FHIT: variants seen among roughly 807,000 people sequenced by gnomAD.
FHIT encodes fragile histidine triad diadenosine triphosphatase.
In FHIT, 19 loss-of-function variants were observed where a neutral mutation model predicts 17.9. The observed-to-expected ratio is 1.06, with a 90% confidence interval of 0.74 to 1.56. FHIT has a LOEUF of 1.56. Ranked by LOEUF, FHIT falls within the 40% of genes most tolerant of loss-of-function variation. The pLI, the probability that FHIT is intolerant of heterozygous loss-of-function variation, is 0.00. For missense variants in FHIT, 248 were observed against 189.2 expected, an observed-to-expected ratio of 1.31 and a Z score of -1.82; for synonymous variants, 81 against 69.7, an observed-to-expected ratio of 1.16 and a Z score of -0.81.
At chr3:60,584,290 G>T (rs762844760) in intron 4 of FHIT, among the ~76,000 whole-genome samples, 1 of 151,952 alleles carries the variant, frequency 6.6e-6, no homozygotes, top group Non-Finnish European at 1.5e-5. Context: ...TACAAATTAG[G>T]CTTTTTTTCC....
At chr3:60,887,267 G>C (rs1277998437) in intron 3 of FHIT, among the ~76,000 whole-genome samples, 1 of 152,114 alleles carries the variant, frequency 6.6e-6, no homozygotes, top group Non-Finnish European at 1.5e-5. Context: ...GTTCAGTTCT[G>C]TTAGGACTTT....
intron 4 of FHIT, among the ~76,000 whole-genome samples, chr3:60,784,826 C>T (rs1559719932): frequency 6.6e-6 from 1 of 152,140 alleles, no homozygotes; most frequent in African/African-American, 2.4e-5. Flanking sequence ...GGGATTAGTG[C>T]CCTTATAAGG....
At chr3:61,222,399 A>C (rs1190254555) in intron 1 of FHIT, among the ~76,000 whole-genome samples, 1 of 152,172 alleles carries the variant, frequency 6.6e-6, no homozygotes, top group Non-Finnish European at 1.5e-5. Flanking sequence ...TATTCAACAA[A>C]ATATTGGTAG....
chr3:60,003,367 A>G (rs1312079927), intron 7 of FHIT, among the ~76,000 whole-genome samples: 1 of 152,144 alleles, frequency 6.6e-6, no homozygotes, highest in African/African-American at 2.4e-5. Context: ...ACTAGTCAAA[A>G]GTTTGTAGCA....
chr3:59,805,305 A>C (rs1179586053), intron 8 of FHIT, among the ~76,000 whole-genome samples: 1 of 152,200 alleles, frequency 6.6e-6, no homozygotes, highest in Admixed American at 6.5e-5. Flanking sequence ...TCTGCATTTT[A>C]AAGATAAAAG....
intron 3 of FHIT, among the ~76,000 whole-genome samples, chr3:60,860,034 C>T (rs1441282737): frequency 1.3e-5 from 1 of 78,330 alleles, no homozygotes; most frequent in Non-Finnish European, 2.6e-5. Context: ...AGAAGTGGGA[C>T]TACATCTCAA....
chr3:60,529,835 T>C (rs1408807125), intron 5 of FHIT, among the ~76,000 whole-genome samples: 2 of 152,202 alleles, frequency 1.3e-5, no homozygotes, highest in South Asian at 4.1e-4. Context: ...ATAATTATCA[T>C]TCTACCATTC....
rs1482371373 is a variant in FHIT at position 60,560,722 on chromosome 3, TC to T, written c.-17-23744del. ...CAGAAAGAGGACAGAATAGAGCCGG[TC>T]CTTTACTTTTAGGTGAGTTTTCCTC... On this transcript the variant is annotated intron_variant, in intron 4 of 9. Coordinates refer to ENST00000492590, the MANE Select transcript of FHIT (RefSeq NM_002012.4). Among the ~76,000 whole-genome samples the T allele has an allele frequency of 7.3e-5, 11 of 151,642 alleles. No homozygotes were observed. In the East Asian group the frequency reaches 2.0e-3, roughly 27 times the overall value.
intron 3 of FHIT, among the ~76,000 whole-genome samples, chr3:60,831,043 G>A (rs1025522447): frequency 1.3e-5 from 2 of 152,206 alleles, no homozygotes; most frequent in African/African-American, 4.8e-5. Context: ...AATTATTTCT[G>A]TATTTTCCTA....
chr3:60,318,984 G>T (rs1269738677), intron 5 of FHIT, among the ~76,000 whole-genome samples: 2 of 152,070 alleles, frequency 1.3e-5, no homozygotes, highest in Non-Finnish European at 2.9e-5. Context: ...TTCCGCCTCT[G>T]TTGTCACATG....
chr3:59,943,833 A>T (rs1706659361), intron 7 of FHIT, among the ~76,000 whole-genome samples: 1 of 152,190 alleles, frequency 6.6e-6, no homozygotes, highest in Non-Finnish European at 1.5e-5. Flanking sequence ...CAGCCCTGGA[A>T]CTAGACTCCT....
intron 4 of FHIT, among the ~76,000 whole-genome samples, chr3:60,576,857 A>G (rs1553657775): frequency 6.6e-6 from 1 of 151,864 alleles, no homozygotes; most frequent in Non-Finnish European, 1.5e-5. Flanking sequence ...ATTAATATAC[A>G]TTTTACTAGG....
At chr3:60,823,897 C>T (rs1702024668) in intron 3 of FHIT, among the ~76,000 whole-genome samples, 1 of 152,212 alleles carries the variant, frequency 6.6e-6, no homozygotes, top group East Asian at 1.9e-4. Context: ...GCAGAGGGAA[C>T]AGAAAGTACA....
intron 5 of FHIT, among the ~76,000 whole-genome samples, chr3:60,380,896 T>TAATA (rs1700772078): frequency 6.6e-6 from 1 of 152,156 alleles, no homozygotes. Context: ...TAAATCCCAG[T>TAATA]AATAGTACAT....
At chr3:60,613,628 T>C (rs17624475) in intron 4 of FHIT, among the ~76,000 whole-genome samples, 41,357 of 151,978 alleles carry the variant, frequency 0.27, 5,945 homozygotes, top group Non-Finnish European at 0.31. Context: ...TTCCTTCATC[T>C]TTCTCTCCCT....
At chr3:60,421,424 A>C (rs61367627) in intron 5 of FHIT, among the ~76,000 whole-genome samples, 115 of 152,244 alleles carry the variant, frequency 7.6e-4, no homozygotes, top group African/African-American at 2.7e-3. Context: ...CCAATAGCAC[A>C]GATGTTTTCA....
intron 3 of FHIT, among the ~76,000 whole-genome samples, chr3:60,859,724 T>A (rs1245183717): frequency 1.7e-4 from 1 of 6,044 alleles, no homozygotes; most frequent in Non-Finnish European, 4.1e-4. Context: ...CTGAATACGA[T>A]TTTTTTTTTT....
intron 5 of FHIT, among the ~76,000 whole-genome samples, chr3:60,092,412 C>T (rs373038221): frequency 2.7e-4 from 41 of 152,060 alleles, no homozygotes; most frequent in South Asian, 2.1e-4. Flanking sequence ...GGTAGAAGTA[C>T]GAAGCAACAT....
At chr3:60,733,404 G>T (rs2107992974) in intron 4 of FHIT, among the ~76,000 whole-genome samples, 1 of 152,240 alleles carries the variant, frequency 6.6e-6, no homozygotes, top group South Asian at 2.1e-4. Flanking sequence ...TTCCTGTGTA[G>T]CACACATCTG....
Sources: allele counts gnomAD v4.1 joint callset (sites outside exome capture counted in the v4.1 genomes callset), GRCh38; gene constraint gnomAD v4.1.1; transcripts MANE v1.5; gene names NCBI Gene and HGNC (gene_info 2026-07-23, HGNC 2026-07-21).